Variants in JARID2 observed in about 807,000 individuals in gnomAD.
JARID2 encodes protein Jumonji.
Under a neutral mutation model 125.6 loss-of-function variants are expected in JARID2, and 21 were observed. The observed-to-expected ratio is 0.17, with a 90% CI of 0.12 to 0.24. JARID2 has a LOEUF of 0.24. JARID2 is among the 10% of genes least tolerant of loss of function. JARID2 has a pLI of 1.00. For synonymous variants in JARID2, 736 were observed against 661.6 expected, an observed-to-expected ratio of 1.11 and a Z score of -1.73; for missense variants, 1,303 against 1,639.6, an observed-to-expected ratio of 0.79 and a Z score of 3.55.
chr6:15,413,002 G>GTTTTTTTTTTTTTTTTTTTTTTTTTTTTT lies in JARID2; in HGVS notation c.323+2642_323+2643insTTTTTTTTTTTTTTTTTTTTTTTTTTTTT, dbSNP rs745910520. Among the ~76,000 whole-genome samples the GTTTTTTTTTTTTTTTTTTTTTTTTTTTTT allele has an allele frequency of 1.1e-4, 5 of 46,532 alleles. 1 individual carries two copies. Among genetic ancestry groups the GTTTTTTTTTTTTTTTTTTTTTTTTTTTTT allele is most frequent in the Non-Finnish European group, 1.6e-4 (4 of 25,590 alleles). The allele number at this position is 46,532 out of a possible 152,430, so 30.5% of individuals were successfully genotyped here. A position where few individuals can be genotyped will look rare whatever the true frequency, so the allele number is the denominator to read the frequency against. ...AACATTATACATGGGAAGAGCTTGT[G>GTTTTTTTTTTTTTTTTTTTTTTTTTTTTT]TTTTTGTTTTTTTTTTTTTTGTTTT... is the stretch of plus-strand genomic sequence containing the variant. On this transcript the variant is annotated intron_variant, in intron 3 of 17. Coordinates refer to ENST00000341776, the MANE Select transcript of JARID2 (RefSeq NM_004973.4).
At chr6:15,308,428 C>T (rs762545883) in intron 1 of JARID2, among the ~76,000 whole-genome samples, 2 of 152,170 alleles carry the variant, frequency 1.3e-5, no homozygotes, top group Admixed American at 6.5e-5. Flanking sequence ...CTCAGCCTCT[C>T]TAAGGATAAT....
chr6:15,393,821 T>C (rs1765115168), intron 2 of JARID2, among the ~76,000 whole-genome samples: 1 of 152,204 alleles, frequency 6.6e-6, no homozygotes, highest in Admixed American at 6.5e-5. Flanking sequence ...AGTAACAGAA[T>C]GAGGTTACGT....
intron 1 of JARID2, among the ~76,000 whole-genome samples, chr6:15,288,790 A>C (rs949727090): frequency 2.6e-5 from 4 of 152,164 alleles, no homozygotes; most frequent in Non-Finnish European, 4.4e-5. Flanking sequence ...CTCTACAGTT[A>C]AAGGAGATCT....
chr6:15,275,907 T>A (rs894127398), intron 1 of JARID2, among the ~76,000 whole-genome samples: 14 of 152,254 alleles, frequency 9.2e-5, no homozygotes, highest in South Asian at 8.3e-4. Context: ...AAGCCATGAC[T>A]AGTGGGGATA....
chr6:15,457,246 G>C (rs1275328727), intron 4 of JARID2, among the ~76,000 whole-genome samples: 1 of 152,096 alleles, frequency 6.6e-6, no homozygotes, highest in Non-Finnish European at 1.5e-5. Context: ...CCACCTTTTT[G>C]ATATCCACTG....
At chr6:15,293,971 G>A (rs1761317691) in intron 1 of JARID2, among the ~76,000 whole-genome samples, 1 of 152,234 alleles carries the variant, frequency 6.6e-6, no homozygotes, top group South Asian at 2.1e-4. Context: ...TTCTGTGTGA[G>A]TAAAGCATTG....
chr6:15,508,241 C>T (rs886995582), intron 11 of JARID2, 99 bp from the exon 12 acceptor site: 2 of 687,068 alleles, frequency 2.9e-6, no homozygotes, highest in Admixed American at 2.2e-5. Flanking sequence ...ATTTCTTTTC[C>T]TTCTTGTTTT....
At chr6:15,433,600 G>A (rs1581558260) in intron 3 of JARID2, among the ~76,000 whole-genome samples, 1 of 152,140 alleles carries the variant, frequency 6.6e-6, no homozygotes, top group East Asian at 1.9e-4. Context: ...GCGGTCATAT[G>A]CTGGCTTTAA....
intron 1 of JARID2, among the ~76,000 whole-genome samples, chr6:15,299,724 G>T (rs1014368341): frequency 1.3e-5 from 2 of 152,126 alleles, no homozygotes; most frequent in Non-Finnish European, 2.9e-5. Flanking sequence ...TTCGCAGAGC[G>T]GTCCTCATTT....
intron 3 of JARID2, among the ~76,000 whole-genome samples, chr6:15,450,464 C>A (rs1179376971): frequency 1.3e-5 from 2 of 152,182 alleles, no homozygotes; most frequent in Non-Finnish European, 2.9e-5. Context: ...ACCACTGCGC[C>A]CGGCACTTAT....
intron 1 of JARID2, among the ~76,000 whole-genome samples, chr6:15,371,606 C>T (rs1764174176): frequency 1.3e-5 from 2 of 152,168 alleles, no homozygotes; most frequent in African/African-American, 4.8e-5. Context: ...ATTAATTCAG[C>T]TATATCATGC....
intron 6 of JARID2, among the ~76,000 whole-genome samples, 160 bp downstream of exon 6, chr6:15,487,702 G>A (rs1369197860): frequency 1.3e-5 from 2 of 152,224 alleles, no homozygotes; most frequent in African/African-American, 4.8e-5. Flanking sequence ...AGCTGCAGGC[G>A]CCTGCACCTT....
intron 1 of JARID2, among the ~76,000 whole-genome samples, chr6:15,322,771 C>G (rs975277212): frequency 2.0e-5 from 3 of 152,104 alleles, no homozygotes; most frequent in African/African-American, 7.2e-5. Flanking sequence ...GTTGGTGAAC[C>G]CTGGGGGTAG....
intron 1 of JARID2, among the ~76,000 whole-genome samples, chr6:15,283,065 G>A (rs529841273): frequency 2.6e-5 from 4 of 151,098 alleles, no homozygotes; most frequent in South Asian, 2.1e-4. Flanking sequence ...TGTAAGCTCT[G>A]CCTCCCGGGT....
intron 3 of JARID2, among the ~76,000 whole-genome samples, chr6:15,446,985 C>T (rs1283489882): frequency 6.6e-6 from 1 of 152,172 alleles, no homozygotes; most frequent in African/African-American, 2.4e-5. Context: ...CTCATGTGTA[C>T]AGTGAAGGGG....
At chr6:15,463,526 G>C (rs1768563152) in intron 4 of JARID2, among the ~76,000 whole-genome samples, 1 of 150,304 alleles carries the variant, frequency 6.7e-6, no homozygotes, top group Admixed American at 6.7e-5. Flanking sequence ...TGCCTGCTGG[G>C]TTCAAGTGAT....
chr6:15,270,936 C>G (rs2327883), intron 1 of JARID2, among the ~76,000 whole-genome samples: 81,622 of 151,058 alleles, frequency 0.54, 22,330 homozygotes, highest in African/African-American at 0.64. Flanking sequence ...GCAAGGCTCC[C>G]TCTCAAAAAA....
intron 2 of JARID2, among the ~76,000 whole-genome samples, chr6:15,402,959 AGAACTGCCGATT>A (rs1038666438): frequency 1.2e-4 from 19 of 152,326 alleles, no homozygotes; most frequent in Middle Eastern, 3.4e-3. Context: ...ACACAAAACT[AGAACTGCCGATT>A]GTAGAGCATC....
chr6:15,514,416 G>A (rs1771447129), intron 16 of JARID2, among the ~76,000 whole-genome samples: 1 of 152,222 alleles, frequency 6.6e-6, no homozygotes, highest in Non-Finnish European at 1.5e-5. Flanking sequence ...CATATGCTGT[G>A]TGGTGCCTGT....
Sources: allele counts gnomAD v4.1 joint callset (sites outside exome capture counted in the v4.1 genomes callset), GRCh38; gene constraint gnomAD v4.1.1; transcripts MANE v1.5; gene names NCBI Gene and HGNC (gene_info 2026-07-23, HGNC 2026-07-21).